The following DOK6 variants were observed in gnomAD, a reference collection of about 807,000 sequenced individuals.
DOK6 encodes the protein docking protein 6.
DOK6 carries 22 observed loss-of-function variants against 44.0 expected under a neutral mutation model. That is an observed-to-expected ratio of 0.50 (90% CI 0.36 to 0.71). DOK6 has a LOEUF of 0.71. DOK6 is among the 30% of genes least tolerant of loss of function. The pLI, the probability that DOK6 is intolerant of heterozygous loss-of-function variation, is 0.00. For missense variants in DOK6, 340 were observed against 416.4 expected, an observed-to-expected ratio of 0.82 and a Z score of 1.60; for synonymous variants, 166 against 145.5, an observed-to-expected ratio of 1.14 and a Z score of -1.01.
At chr18:69,427,091 T>C (rs1012074820) in intron 1 of DOK6, among the ~76,000 whole-genome samples, 1 of 152,128 alleles carries the variant, frequency 6.6e-6, no homozygotes, top group African/African-American at 2.4e-5. Context: ...CAAGAACATA[T>C]GGTATTTGGT....
chr18:69,577,833 G>C (rs528296224), intron 2 of DOK6, among the ~76,000 whole-genome samples: 2 of 152,224 alleles, frequency 1.3e-5, no homozygotes, highest in East Asian at 3.9e-4. Context: ...TTTTGTAATA[G>C]TTGAATTAAA....
At chr18:69,443,964 C>CAT (rs372296596) in intron 1 of DOK6, among the ~76,000 whole-genome samples, 5,067 of 151,456 alleles carry the variant, frequency 0.033, 134 homozygotes, top group Admixed American at 0.089. Context: ...CACACATAAT[C>CAT]ATATATATAT....
Position 69,502,648 on chromosome 18 carries a change from G to A in DOK6, c.67-61839G>A, listed in dbSNP as rs545876657. 9.2e-4 allele frequency among the ~76,000 whole-genome samples: 140 copies of A among 152,170 alleles called. 2 individuals carry two copies. The highest frequency in any genetic ancestry group is 3.1e-3 in the African/African-American group (128 of 41,524). On this transcript the variant is annotated intron_variant, in intron 1 of 7. Transcript: ENST00000382713. ...CTACAATCTAAGGAGTGGATCAGTT[G>A]TCTTATCATAACCTCAAATCCCATG...
At chr18:69,746,131 G>A (rs1450586831) in intron 6 of DOK6, among the ~76,000 whole-genome samples, 3 of 152,180 alleles carry the variant, frequency 2.0e-5, no homozygotes, top group Non-Finnish European at 4.4e-5. Context: ...TATACATGTT[G>A]TTAAATGCAT....
intron 1 of DOK6, among the ~76,000 whole-genome samples, chr18:69,548,324 G>A (rs1387698978): frequency 1.3e-5 from 2 of 151,434 alleles, no homozygotes; most frequent in Admixed American, 6.6e-5. Context: ...TTGCTATTGT[G>A]AACAGGGGGC....
rs148135333 is a variant in DOK6 at position 69,782,557 on chromosome 18, A to G, written c.856+24684A>G. ...CTTCATGCATCTTCCTGAAGAAACT[A>G]TCTTAGAAGTTAGTTCCACAAAGAC... is the stretch of plus-strand genomic sequence containing the variant. On this transcript the variant is annotated intron_variant, in intron 7 of 7. Transcript: ENST00000382713. Among the ~76,000 whole-genome samples, 50 of 152,064 alleles carry G rather than the reference A, an allele frequency of 3.3e-4. No individual in the cohort carries two copies. The East Asian group carries it at 9.4e-3, about 28-fold the overall frequency.
intron 5 of DOK6, among the ~76,000 whole-genome samples, chr18:69,706,662 C>T (rs1286016237): frequency 1.5e-5 from 2 of 134,490 alleles, no homozygotes; most frequent in African/African-American, 5.5e-5. Context: ...TCTCCTAATG[C>T]TATCCCTCCC....
At chr18:69,683,163 A>G (rs1233319834) in intron 4 of DOK6, among the ~76,000 whole-genome samples, 1 of 151,794 alleles carries the variant, frequency 6.6e-6, no homozygotes, top group Admixed American at 6.6e-5. Flanking sequence ...CAACTTTTGC[A>G]TCAGGAAAAA....
chr18:69,489,983 G>C (rs964057436), intron 1 of DOK6, among the ~76,000 whole-genome samples: 1 of 151,136 alleles, frequency 6.6e-6, no homozygotes, highest in African/African-American at 2.4e-5. Flanking sequence ...AAATTCTGCC[G>C]TATTCACTGC....
intron 3 of DOK6, among the ~76,000 whole-genome samples, chr18:69,666,579 C>T (rs1325474358): frequency 1.3e-5 from 2 of 152,098 alleles, no homozygotes; most frequent in Non-Finnish European, 2.9e-5. Context: ...ATCGACATCA[C>T]ATATTCAGAC....
intron 3 of DOK6, chr18:69,662,907 A>T (rs937108802): frequency 6.6e-6 from 1 of 152,228 alleles, no homozygotes; most frequent in Admixed American, 6.5e-5. Flanking sequence ...TCAAGGTGAC[A>T]TGTATTCACC....
At chr18:69,817,625 A>G (rs940903532) in intron 7 of DOK6, among the ~76,000 whole-genome samples, 1 of 152,142 alleles carries the variant, frequency 6.6e-6, no homozygotes, top group Non-Finnish European at 1.5e-5. Context: ...TTATAAAGCC[A>G]TCACTTCTAT....
chr18:69,736,509 C>T (rs910221746), intron 5 of DOK6, among the ~76,000 whole-genome samples: 2 of 152,164 alleles, frequency 1.3e-5, no homozygotes, highest in African/African-American at 4.8e-5. Flanking sequence ...AAAGAGATTA[C>T]AATTGCAATT....
At chr18:69,507,263 G>A (rs1392149645) in intron 1 of DOK6, among the ~76,000 whole-genome samples, 2 of 152,104 alleles carry the variant, frequency 1.3e-5, no homozygotes, top group Non-Finnish European at 2.9e-5. Flanking sequence ...TCCTGACCTT[G>A]TGATCCGCCC....
chr18:69,550,998 G>A (rs745875903), intron 1 of DOK6, among the ~76,000 whole-genome samples: 2 of 148,736 alleles, frequency 1.3e-5, no homozygotes, highest in South Asian at 2.2e-4. Context: ...TGCCCAGGCT[G>A]GAGTTTTTTT....
At chr18:69,516,897 G>C (rs887150766) in intron 1 of DOK6, among the ~76,000 whole-genome samples, 2 of 148,962 alleles carry the variant, frequency 1.3e-5, no homozygotes, top group African/African-American at 5.0e-5. Flanking sequence ...TGCCAGGCTA[G>C]TCTTAAACTC....
At chr18:69,815,049 G>A (rs542001238) in intron 7 of DOK6, among the ~76,000 whole-genome samples, 7 of 152,276 alleles carry the variant, frequency 4.6e-5, no homozygotes, top group African/African-American at 1.2e-4. Flanking sequence ...AAGGAGCTGC[G>A]TGCTCTGTTC....
At chr18:69,436,412 C>T (rs143959308) in intron 1 of DOK6, among the ~76,000 whole-genome samples, 4 of 152,062 alleles carry the variant, frequency 2.6e-5, no homozygotes, top group African/African-American at 7.2e-5. Flanking sequence ...TGAGAACATG[C>T]GGTGTTTGGT....
At chr18:69,760,553 G>A (rs118060603) in intron 7 of DOK6, among the ~76,000 whole-genome samples, 16 of 152,216 alleles carry the variant, frequency 1.1e-4, no homozygotes, top group East Asian at 1.9e-4. Context: ...AGCAAAGCAG[G>A]CGCCCTGAGA....
Sources: gnomAD v4.1 joint callset for allele counts (sites outside exome capture counted in the v4.1 genomes callset) on GRCh38, gnomAD v4.1.1 for gene constraint, MANE v1.5 for transcripts, NCBI Gene and HGNC (gene_info 2026-07-23, HGNC 2026-07-21) for gene names.